The following HDAC8 variants were observed in gnomAD, a reference collection of about 807,000 sequenced individuals.
The protein encoded by HDAC8 is histone deacetylase 8, also known as histone deacetylase-like 1.
A neutral mutation model predicts 32.2 loss-of-function variants in HDAC8; 1 was observed. The ratio of observed to expected loss-of-function variants is 0.03; its 90% CI spans 0.01 to 0.15. The LOEUF (loss-of-function observed/expected upper bound fraction) is 0.15. Among genes scored for constraint, HDAC8 ranks in the 10% least tolerant of loss-of-function variants. The probability of loss-of-function intolerance (pLI) is 1.00; values close to 1 mark genes in which losing one functional copy is unlikely to be tolerated. For missense variants in HDAC8, 117 were observed against 300.0 expected, an observed-to-expected ratio of 0.39 and a Z score of 4.51; for synonymous variants, 108 against 113.9, an observed-to-expected ratio of 0.95 and a Z score of 0.33.
intron 9 of HDAC8, among the ~76,000 whole-genome samples, chrX:72,455,937 G>C (rs781934401): frequency 8.9e-5 from 10 of 112,003 alleles, no homozygotes; most frequent in Non-Finnish European, 1.1e-4. Context: ...ATTCCACACT[G>C]GATTAACCTT....
chrX:72,460,471 C>A (rs978035017), intron 9 of HDAC8, among the ~76,000 whole-genome samples: 6 of 111,367 alleles, frequency 5.4e-5, no homozygotes, highest in Non-Finnish European at 9.4e-5. Context: ...CTATTAGATT[C>A]CAGGGAACTA....
intron 9 of HDAC8, among the ~76,000 whole-genome samples, chrX:72,436,744 A>G (rs1450892719): frequency 1.8e-5 from 2 of 111,488 alleles, no homozygotes; most frequent in African/African-American, 6.5e-5. Flanking sequence ...TGAAACAAAA[A>G]CTATAAGACT....
At chrX:72,445,756 A>C (rs1169646038) in intron 9 of HDAC8, among the ~76,000 whole-genome samples, 8 of 111,941 alleles carry the variant, frequency 7.1e-5, no homozygotes, top group African/African-American at 2.6e-4. Context: ...CAACCTACAA[A>C]ATGGGAGAAA....
At chrX:72,475,875 G>A (rs1556000333) in intron 7 of HDAC8, among the ~76,000 whole-genome samples, 1 of 111,277 alleles carries the variant, frequency 9.0e-6, no homozygotes, top group African/African-American at 3.3e-5. Flanking sequence ...CCCTTTCGCT[G>A]TTTTAATTTT....
rs2048850667 is a variant in HDAC8 at position 72,490,922 on chromosome X, C to A, written c.628+7G>T. On this transcript the variant is annotated splice_region_variant and intron_variant, in intron 6 of 10. Transcript: ENST00000373573. ...TCAAATGTAATACTGAGTTTATGAT[C>A]ACTTGCCTGGGAAAAATCCTGGGGA... The A allele has an allele frequency of 8.5e-7, 1 of 1,177,992 alleles. No homozygotes were observed. Among genetic ancestry groups the A allele is most frequent in the Non-Finnish European group, 1.2e-6 (1 of 866,948 alleles).
chrX:72,373,119 A>C (rs1447607174), intron 9 of HDAC8, among the ~76,000 whole-genome samples: 2 of 112,333 alleles, frequency 1.8e-5, no homozygotes, highest in East Asian at 5.5e-4. Flanking sequence ...TAGAGCTCAT[A>C]AGTTGAAAAT....
At chrX:72,336,320 A>T (rs782171222) in intron 10 of HDAC8, among the ~76,000 whole-genome samples, 1 of 112,209 alleles carries the variant, frequency 8.9e-6, no homozygotes, top group African/African-American at 3.2e-5. Context: ...AGATGTTTCA[A>T]CTTTATGATG....
At chrX:72,514,897 C>CT (rs1291471582) in intron 4 of HDAC8, among the ~76,000 whole-genome samples, 3 of 111,203 alleles carry the variant, frequency 2.7e-5, no homozygotes, top group African/African-American at 9.8e-5. Flanking sequence ...GAGAAATAAT[C>CT]TTTTTTTAAA....
chrX:72,568,201 G>A (rs782165960), intron 3 of HDAC8, among the ~76,000 whole-genome samples, 171 bp from the exon 4 acceptor site: 5 of 112,218 alleles, frequency 4.5e-5, no homozygotes, highest in African/African-American at 9.7e-5. Flanking sequence ...AAAGGTTAGA[G>A]CTAGAAAGGA....
intron 4 of HDAC8, among the ~76,000 whole-genome samples, chrX:72,564,419 A>G (rs781913948): frequency 8.6e-4 from 97 of 112,401 alleles, no homozygotes; most frequent in African/African-American, 3.1e-3. Flanking sequence ...ACCTTTTAAA[A>G]GTTATTTTGG....
chrX:72,443,078 A>T (rs1365333236), intron 9 of HDAC8, among the ~76,000 whole-genome samples: 7 of 108,154 alleles, frequency 6.5e-5, no homozygotes, highest in Admixed American at 9.9e-5. Context: ...CTCCCACACA[A>T]TAATAATGGG....
chrX:72,494,953 A>G (rs2048976454), intron 5 of HDAC8, among the ~76,000 whole-genome samples: 1 of 111,522 alleles, frequency 9.0e-6, no homozygotes, highest in Non-Finnish European at 1.9e-5. Flanking sequence ...AGGAGGAGAG[A>G]GAAGAGGAAA....
At chrX:72,505,056 T>A (rs1556018319) in intron 4 of HDAC8, among the ~76,000 whole-genome samples, 1 of 111,164 alleles carries the variant, frequency 9.0e-6, no homozygotes. Context: ...AAATTTTTAA[T>A]CTTTTAAAAT....
intron 9 of HDAC8, among the ~76,000 whole-genome samples, chrX:72,453,244 G>C (rs1378121725): frequency 9.2e-6 from 1 of 108,856 alleles, no homozygotes; most frequent in African/African-American, 3.4e-5. Context: ...CCCAGGAGTG[G>C]CAGATCAGCC....
At chrX:72,480,878 G>A (rs2048475453) in intron 7 of HDAC8, among the ~76,000 whole-genome samples, 2 of 108,837 alleles carry the variant, frequency 1.8e-5, no homozygotes, top group South Asian at 8.4e-4. Context: ...ACAGGGAGGG[G>A]AAACTCACAC....
In HDAC8 at chrX:72,549,778, T is replaced by C. The variant is rs781917413; in HGVS notation, c.437+18111A>G. 2.7e-5 allele frequency among the ~76,000 whole-genome samples: 3 copies of C among 111,929 alleles called. No individual in the cohort carries two copies. The Admixed American group carries it at 2.8e-4, about 11-fold the overall frequency. On this transcript the variant is annotated intron_variant, in intron 4 of 10. Coordinates refer to ENST00000373573, the MANE Select transcript of HDAC8 (RefSeq NM_018486.3). ...TCTAATTGGTCTTCTTTACTATCTA[T>C]TGTATCTACTAAATGGCTCTTGAAT... is the stretch of plus-strand genomic sequence containing the variant.
chrX:72,497,742 T>C (rs1274449040), intron 4 of HDAC8, among the ~76,000 whole-genome samples: 2 of 112,122 alleles, frequency 1.8e-5, no homozygotes, highest in African/African-American at 6.5e-5. Flanking sequence ...TAATTATGTT[T>C]TGCAGTATAT....
intron 9 of HDAC8, 68 bp downstream of exon 9, chrX:72,461,935 AT>A: frequency 8.6e-6 from 7 of 816,860 alleles, no homozygotes; most frequent in Non-Finnish European, 1.3e-5. Flanking sequence ...TGAGGACGTG[AT>A]TTTGATTAGG....
chrX:72,422,032 T>G (rs1177390939), intron 9 of HDAC8, among the ~76,000 whole-genome samples: 2 of 111,052 alleles, frequency 1.8e-5, no homozygotes, highest in Non-Finnish European at 1.9e-5. Flanking sequence ...TGAACCTTAT[T>G]GAGAATCCCT....
Sources: allele counts gnomAD v4.1 joint callset (sites outside exome capture counted in the v4.1 genomes callset), GRCh38; gene constraint gnomAD v4.1.1; transcripts MANE v1.5; gene names NCBI Gene and HGNC (gene_info 2026-07-23, HGNC 2026-07-21).